Variants in GABBR2 observed in about 807,000 individuals in gnomAD.
GABBR2 encodes the protein G-protein coupled receptor 51.
GABBR2 carries 23 observed loss-of-function variants against 105.6 expected under a neutral mutation model. The ratio of observed to expected loss-of-function variants is 0.22; its 90% CI spans 0.16 to 0.31. GABBR2 has a LOEUF of 0.31. GABBR2 is among the 10% of genes least tolerant of loss of function. The pLI is 1.00. For missense variants in GABBR2, 734 were observed against 1,245.5 expected (o/e 0.59, Z 6.18); for synonymous variants, 478 against 499.7 (o/e 0.96, Z 0.58).
Position 98,340,179 on chromosome 9 carries a change from AG to A in GABBR2, c.1893+22535del, listed in dbSNP as rs200653242. On this transcript the variant is annotated intron_variant, in intron 13 of 18. Coordinates refer to ENST00000259455, the MANE Select transcript of GABBR2 (RefSeq NM_005458.8). ...GAACATTTATTGCTTTAATCCAGTGAGGGGTTTTTTTTTTTTTTTTGTTACT... is the reference window on the plus strand; with the variant it reads ...GAACATTTATTGCTTTAATCCAGTGAGGGTTTTTTTTTTTTTTTTGTTACT... Among the ~76,000 whole-genome samples the A allele has an allele frequency of 7.9e-3, 929 of 117,982 alleles. 9 individuals carry two copies. The highest frequency in any genetic ancestry group is 0.041 in the East Asian group (109 of 2,644). 77.4% of individuals were successfully genotyped at this position (117,982 alleles called of 152,430 possible). A position where few individuals can be genotyped will look rare whatever the true frequency, so the allele number is the denominator to read the frequency against.
chr9:98,670,054 G>A (rs549728689), intron 1 of GABBR2, among the ~76,000 whole-genome samples: 3 of 152,252 alleles, frequency 2.0e-5, no homozygotes, highest in South Asian at 2.1e-4. Context: ...ATGGGACTAG[G>A]GGAGGATGAG....
chr9:98,618,375 G>A (rs1254835261), intron 1 of GABBR2, among the ~76,000 whole-genome samples: 1 of 152,018 alleles, frequency 6.6e-6, no homozygotes, highest in African/African-American at 2.4e-5. Context: ...GCAGATGAAA[G>A]CATGTTAGGA....
chr9:98,680,097 GA>G (rs1050256311), intron 1 of GABBR2, among the ~76,000 whole-genome samples: 1 of 151,892 alleles, frequency 6.6e-6, no homozygotes, highest in South Asian at 2.1e-4. Flanking sequence ...ATGAGTGAGG[GA>G]AAAAACATCT....
chr9:98,433,778 C>T (rs892567406), intron 7 of GABBR2, among the ~76,000 whole-genome samples: 4 of 152,072 alleles, frequency 2.6e-5, no homozygotes, highest in Non-Finnish European at 5.9e-5. Context: ...TGTATTGATA[C>T]CTGGGCATGT....
chr9:98,667,174 T>C (rs1830347529), intron 1 of GABBR2, among the ~76,000 whole-genome samples: 1 of 152,012 alleles, frequency 6.6e-6, no homozygotes, highest in Non-Finnish European at 1.5e-5. Context: ...AAAGGAGAGA[T>C]GATGGGTCTC....
At chr9:98,605,825 C>T (rs1394852134) in intron 1 of GABBR2, among the ~76,000 whole-genome samples, 5 of 152,056 alleles carry the variant, frequency 3.3e-5, no homozygotes, top group Admixed American at 1.3e-4. Context: ...ATGTGCACAA[C>T]GTGGTCTGTT....
chr9:98,672,311 T>C (rs1830417223), intron 1 of GABBR2, among the ~76,000 whole-genome samples: 1 of 152,244 alleles, frequency 6.6e-6, no homozygotes, highest in South Asian at 2.1e-4. Flanking sequence ...AGACAGTATT[T>C]GTCTTTTTGT....
intron 1 of GABBR2, among the ~76,000 whole-genome samples, chr9:98,586,228 AG>A (rs967561373): frequency 6.6e-6 from 1 of 150,490 alleles, no homozygotes; most frequent in South Asian, 2.1e-4. Flanking sequence ...TCCTTTACCC[AG>A]GGGGAGCCCC....
At chr9:98,541,741 C>G in intron 3 of GABBR2, 132 bp downstream of exon 3, 1 of 747,056 alleles carries the variant, frequency 1.3e-6, no homozygotes. Context: ...GGTGAAACAG[C>G]TTTGATCGCA....
At chr9:98,647,904 T>C (rs1357289955) in intron 1 of GABBR2, among the ~76,000 whole-genome samples, 1 of 151,992 alleles carries the variant, frequency 6.6e-6, no homozygotes, top group Non-Finnish European at 1.5e-5. Context: ...TATATAAGAA[T>C]GAATACCATC....
intron 7 of GABBR2, among the ~76,000 whole-genome samples, chr9:98,421,001 A>T (rs1011453235): frequency 3.3e-5 from 5 of 152,238 alleles, no homozygotes; most frequent in African/African-American, 1.2e-4. Flanking sequence ...TTAGAAAGCC[A>T]CACTAAGAGG....
chr9:98,693,618 C>T (rs1830712980), intron 1 of GABBR2, among the ~76,000 whole-genome samples: 1 of 152,214 alleles, frequency 6.6e-6, no homozygotes, highest in Non-Finnish European at 1.5e-5. Flanking sequence ...GACTTGAAAG[C>T]TTCCTAAGGG....
intron 1 of GABBR2, among the ~76,000 whole-genome samples, chr9:98,655,874 T>C (rs1409184947): frequency 6.6e-6 from 1 of 152,138 alleles, no homozygotes; most frequent in Admixed American, 6.5e-5. Flanking sequence ...TTAGGAGAAA[T>C]ACCTAATGTA....
intron 4 of GABBR2, among the ~76,000 whole-genome samples, chr9:98,490,781 G>C (rs1433366628): frequency 6.6e-6 from 1 of 152,160 alleles, no homozygotes; most frequent in African/African-American, 2.4e-5. Context: ...GAGTGCCCAG[G>C]ACGTGGTCTC....
intron 4 of GABBR2, among the ~76,000 whole-genome samples, chr9:98,487,885 G>T (rs1219022865): frequency 1.3e-5 from 2 of 151,248 alleles, no homozygotes; most frequent in African/African-American, 2.5e-5. Context: ...AATTAAGGTT[G>T]TTTATCAGCT....
chr9:98,362,589 G>A lies in GABBR2; in HGVS notation c.1893+126C>T, dbSNP rs990074713. ...CTGGAATTACATGTCTCAAATGGAA[G>A]GAAATGGAACTGATGAAGTGTTCCC... On this transcript the variant is annotated intron_variant, in intron 13 of 18. Coordinates refer to ENST00000259455, the MANE Select transcript of GABBR2 (RefSeq NM_005458.8). 33 of 661,028 alleles carry A rather than the reference G, an allele frequency of 5.0e-5. No individual in the cohort carries two copies. In the African/African-American group the frequency reaches 5.7e-4, roughly 11 times the overall value. 40.9% of individuals were successfully genotyped at this position (661,028 alleles called of 1,614,324 possible). A position where few individuals can be genotyped will look rare whatever the true frequency, so the allele number is the denominator to read the frequency against.
chr9:98,536,748 T>C (rs1408060692), intron 3 of GABBR2, among the ~76,000 whole-genome samples: 21 of 152,090 alleles, frequency 1.4e-4, no homozygotes, highest in Admixed American at 1.4e-3. Flanking sequence ...TCCAGTTCCT[T>C]ACCGCAGCCC....
chr9:98,447,793 T>C (rs1588166412), intron 7 of GABBR2, among the ~76,000 whole-genome samples: 1 of 151,516 alleles, frequency 6.6e-6, no homozygotes, highest in African/African-American at 2.4e-5. Flanking sequence ...GTCCTCCTTT[T>C]AGGTAAAAAG....
intron 8 of GABBR2, among the ~76,000 whole-genome samples, chr9:98,405,798 A>G (rs983418763): frequency 6.6e-6 from 1 of 152,268 alleles, no homozygotes; most frequent in Non-Finnish European, 1.5e-5. Context: ...TATTTGGTAC[A>G]GACGGAATCA....
Sources: gnomAD v4.1 joint callset for allele counts (sites outside exome capture counted in the v4.1 genomes callset) on GRCh38, gnomAD v4.1.1 for gene constraint, MANE v1.5 for transcripts, NCBI Gene and HGNC (gene_info 2026-07-23, HGNC 2026-07-21) for gene names.